The following ITGA9 variants were observed in gnomAD, a reference collection of about 807,000 sequenced individuals.
ITGA9 encodes the protein integrin alpha-9.
Under a neutral mutation model 127.8 loss-of-function variants are expected in ITGA9, and 56 were observed. That is an observed-to-expected ratio of 0.44 (90% confidence interval 0.35 to 0.55). ITGA9 has a LOEUF of 0.55. Ranked by LOEUF, ITGA9 falls within the 20% of genes least tolerant of loss-of-function variation. The pLI is 0.00. For missense variants in ITGA9, 1,196 were observed against 1,347.1 expected, an observed-to-expected ratio of 0.89 and a Z score of 1.76; for synonymous variants, 508 against 514.5, an observed-to-expected ratio of 0.99 and a Z score of 0.17.
intron 15 of ITGA9, among the ~76,000 whole-genome samples, chr3:37,550,436 GC>G (rs1417122516): frequency 1.3e-5 from 2 of 152,186 alleles, no homozygotes; most frequent in East Asian, 3.9e-4. Flanking sequence ...GCAGTGATGT[GC>G]TGCTAATGTT....
Position 37,743,939 on chromosome 3 carries a change from A to G in ITGA9, c.2338A>G (p.Thr780Ala), listed in dbSNP as rs1293066975. 1.5e-5 allele frequency: 24 copies of G among 1,613,030 alleles called. No homozygotes were observed. The highest frequency in any genetic ancestry group is 2.0e-5 in the Non-Finnish European group (23 of 1,179,136). The change falls in exon 22 of 28, where the codon ACC (threonine) becomes GCC (alanine). Residue 780 changes from threonine (T) to alanine (A), a missense_variant. Transcript: ENST00000264741. ...DTSITGIMSP[T>A]SFVYGESVDA... is the part of the protein sequence containing the mutation. The stretch of plus-strand genomic sequence containing the variant: ...TTCCTCTTTCAGAATCATGTCTCCA[A>G]CCTCCTTTGTATATGGCGAGTCCGT...
intron 15 of ITGA9, among the ~76,000 whole-genome samples, chr3:37,608,846 A>C (rs190329220): frequency 1.3e-5 from 2 of 152,144 alleles, no homozygotes; most frequent in Non-Finnish European, 2.9e-5. Context: ...AGTGGAGGCT[A>C]TTAAGACCTA....
chr3:37,607,013 C>T (rs1699975541), intron 15 of ITGA9, among the ~76,000 whole-genome samples: 1 of 123,476 alleles, frequency 8.1e-6, no homozygotes, highest in Non-Finnish European at 1.6e-5. Flanking sequence ...GGGTTTTACT[C>T]TGTCACCCAG....
Position 37,604,216 on chromosome 3 carries a change from GAGA to G in ITGA9, c.1690-24968_1690-24966del, listed in dbSNP as rs1279265086. Among the ~76,000 whole-genome samples, 7 of 152,340 alleles carry G rather than the reference GAGA, an allele frequency of 4.6e-5. No homozygotes were observed. In the South Asian group the frequency reaches 1.2e-3, roughly 27 times the overall value. On this transcript the variant is annotated intron_variant, in intron 15 of 27. Coordinates refer to ENST00000264741, the MANE Select transcript of ITGA9 (RefSeq NM_002207.3). ...TTAGAAAGTATCTGAGCTTTAAATG[GAGA>G]AGGAGTGGGGAGAAACTGACAGTGA...
At chr3:37,746,137 A>G (rs992719552) in intron 22 of ITGA9, among the ~76,000 whole-genome samples, 1 of 152,208 alleles carries the variant, frequency 6.6e-6, no homozygotes, top group Non-Finnish European at 1.5e-5. Flanking sequence ...GAAGGTGAAA[A>G]TACTGTGGAA....
At chr3:37,616,888 A>C (rs1700080261) in intron 15 of ITGA9, among the ~76,000 whole-genome samples, 2 of 152,228 alleles carry the variant, frequency 1.3e-5, no homozygotes. Context: ...TGCTGAATAC[A>C]GCACACTGAT....
At chr3:37,688,187 G>A (rs1700799390) in intron 18 of ITGA9, among the ~76,000 whole-genome samples, 1 of 152,190 alleles carries the variant, frequency 6.6e-6, no homozygotes, top group African/African-American at 2.4e-5. Flanking sequence ...ACCTGGAGGG[G>A]CATGGCTTCA....
At chr3:37,682,729 T>G (rs148492497) in intron 17 of ITGA9, among the ~76,000 whole-genome samples, 1 of 152,324 alleles carries the variant, frequency 6.6e-6, no homozygotes, top group East Asian at 1.9e-4. Flanking sequence ...TTTTCTCTTC[T>G]AGTTATTGAA....
intron 17 of ITGA9, among the ~76,000 whole-genome samples, chr3:37,674,855 C>T (rs766175929): frequency 7.9e-5 from 12 of 152,162 alleles, no homozygotes; most frequent in Non-Finnish European, 1.3e-4. Context: ...GTGACAGTTA[C>T]GCAAGAAGGA....
intron 1 of ITGA9, among the ~76,000 whole-genome samples, chr3:37,462,312 C>G (rs1308744927): frequency 6.6e-6 from 1 of 152,228 alleles, no homozygotes; most frequent in Non-Finnish European, 1.5e-5. Flanking sequence ...TGGGCATGGA[C>G]TCCACCAATT....
intron 2 of ITGA9, among the ~76,000 whole-genome samples, chr3:37,472,225 C>T (rs922726083): frequency 3.9e-5 from 6 of 152,156 alleles, no homozygotes; most frequent in Admixed American, 2.6e-4. Context: ...GACTAATATA[C>T]CTACCTCGCA....
intron 1 of ITGA9, among the ~76,000 whole-genome samples, chr3:37,454,320 G>A (rs141852842): frequency 1.1e-4 from 17 of 152,376 alleles, no homozygotes; most frequent in African/African-American, 4.1e-4. Context: ...AGAGACGAGA[G>A]CAGATCTGAC....
At chr3:37,511,405 G>A (rs759913262) in intron 8 of ITGA9, among the ~76,000 whole-genome samples, 12 of 152,334 alleles carry the variant, frequency 7.9e-5, no homozygotes, top group Admixed American at 1.3e-4. Context: ...AACGGAGTAT[G>A]TGAAGCATTT....
intron 5 of ITGA9, among the ~76,000 whole-genome samples, chr3:37,502,931 C>A (rs1045038364): frequency 6.6e-6 from 1 of 152,152 alleles, no homozygotes; most frequent in African/African-American, 2.4e-5. Context: ...AGAATAGGGG[C>A]CTGGCCTGTC....
At chr3:37,702,084 A>G (rs1400843848) in intron 18 of ITGA9, among the ~76,000 whole-genome samples, 3 of 152,298 alleles carry the variant, frequency 2.0e-5, no homozygotes, top group East Asian at 1.9e-4. Context: ...GTTTGTAGCC[A>G]TGGCTGCCAA....
intron 23 of ITGA9, among the ~76,000 whole-genome samples, chr3:37,762,826 T>C (rs148635168): frequency 7.6e-4 from 116 of 152,330 alleles, no homozygotes; most frequent in African/African-American, 2.3e-3. Context: ...TACCTGGAAG[T>C]TGAGGCATGG....
intron 18 of ITGA9, among the ~76,000 whole-genome samples, chr3:37,718,750 G>A (rs1199810351): frequency 6.6e-6 from 1 of 152,222 alleles, no homozygotes; most frequent in Non-Finnish European, 1.5e-5. Flanking sequence ...CACCTGGGGA[G>A]CTTTCAGCAA....
intron 11 of ITGA9, among the ~76,000 whole-genome samples, chr3:37,521,860 G>A (rs926388261): frequency 1.3e-5 from 2 of 152,204 alleles, no homozygotes; most frequent in Non-Finnish European, 2.9e-5. Flanking sequence ...GGCTTTGCCT[G>A]TTAGTGTGAA....
intron 27 of ITGA9, among the ~76,000 whole-genome samples, chr3:37,810,356 T>C (rs1334524963): frequency 4.6e-5 from 7 of 152,056 alleles, no homozygotes; most frequent in Non-Finnish European, 1.0e-4. Context: ...AGTAGGTCCC[T>C]ACTAGGTGGC....
Sources: gnomAD v4.1 joint callset for allele counts (sites outside exome capture counted in the v4.1 genomes callset) on GRCh38, gnomAD v4.1.1 for gene constraint, MANE v1.5 for transcripts, NCBI Gene and HGNC (gene_info 2026-07-23, HGNC 2026-07-21) for gene names.